The following TNFSF11 variants were observed in gnomAD, a reference collection of about 807,000 sequenced individuals.
TNFSF11 encodes tumor necrosis factor ligand superfamily member 11.
TNFSF11 carries 12 observed loss-of-function variants against 32.2 expected under a neutral mutation model. The observed-to-expected ratio is 0.37, with a 90% CI of 0.24 to 0.60. The LOEUF is 0.60. Ranked by LOEUF, TNFSF11 falls within the 20% of genes least tolerant of loss-of-function variation. The probability of loss-of-function intolerance (pLI) is 0.66; values close to 1 mark genes in which losing one functional copy is unlikely to be tolerated. For synonymous variants in TNFSF11, 172 were observed against 152.1 expected, an observed-to-expected ratio of 1.13 and a Z score of -0.96; for missense variants, 345 against 398.0, an observed-to-expected ratio of 0.87 and a Z score of 1.13.
At position 42,606,854 on chromosome 13, in the gene TNFSF11, C is replaced by T. The variant is rs769473543; in HGVS notation, c.890C>T (p.Ser297Phe). The change falls in exon 5 of 5, where the codon TCC (serine) becomes TTC (phenylalanine). Residue 297 changes from serine to phenylalanine, a missense_variant. Transcript: ENST00000398795. ...ATCAGCATCGAGGTCTCCAACCCCTCCTTACTGGATCCGGATCAGGATGCA... is the reference window on the plus strand; with the variant it reads ...ATCAGCATCGAGGTCTCCAACCCCTTCTTACTGGATCCGGATCAGGATGCA... ...EEISIEVSNP[S>F]LLDPDQDATY... is the part of the protein sequence containing the mutation. The T allele has an allele frequency of 6.2e-7, 1 of 1,614,134 alleles. No individual in the cohort carries two copies. Among genetic ancestry groups the T allele is most frequent in the Non-Finnish European group, 8.5e-7 (1 of 1,180,020 alleles).
chr13:42,597,195 T>C (rs894828012), intron 2 of TNFSF11, among the ~76,000 whole-genome samples: 1 of 152,202 alleles, frequency 6.6e-6, no homozygotes, highest in Non-Finnish European at 1.5e-5. Flanking sequence ...TCATGCGCTC[T>C]CTTTTTGACT....
rs146442984 is a variant in TNFSF11 at position 42,593,790 on chromosome 13, T to A, written c.388-6962T>A. ...TGGCAAACGGGGTGTTAAATCCTTG[T>A]TCAACCAGCCAGATGTCTCTGCAGC... On this transcript the variant is annotated intron_variant, in intron 2 of 4. Coordinates refer to ENST00000398795, the MANE Select transcript of TNFSF11 (RefSeq NM_003701.4). Among the ~76,000 whole-genome samples, 382 of 152,364 alleles carry A rather than the reference T, an allele frequency of 2.5e-3. 2 individuals carry two copies. The highest frequency in any genetic ancestry group is 8.8e-3 in the African/African-American group (366 of 41,584).
At chr13:42,598,393 A>G (rs1313624805) in intron 2 of TNFSF11, among the ~76,000 whole-genome samples, 2 of 152,342 alleles carry the variant, frequency 1.3e-5, no homozygotes, top group East Asian at 1.9e-4. Flanking sequence ...ATATAACCAT[A>G]TAAAGATATA....
upstream of TNFSF11, among the ~76,000 whole-genome samples, chr13:42,572,481 T>A (rs1161942193): frequency 6.6e-6 from 1 of 151,810 alleles, no homozygotes; most frequent in East Asian, 1.9e-4. Flanking sequence ...AGGGAGAGAA[T>A]GAGGAAGAAG....
intron 1 of TNFSF11, among the ~76,000 whole-genome samples, chr13:42,576,985 C>T (rs1292246085): frequency 6.6e-6 from 1 of 152,144 alleles, no homozygotes; most frequent in Non-Finnish European, 1.5e-5. Context: ...TTTGACTTGC[C>T]GCTGATTTAA....
intron 1 of TNFSF11, among the ~76,000 whole-genome samples, chr13:42,566,206 A>G (rs991670321): frequency 1.3e-5 from 2 of 152,240 alleles, no homozygotes; most frequent in Non-Finnish European, 2.9e-5. Context: ...TGACAGACAT[A>G]TGGAATCTAC....
chr13:42,600,788 G>A lies in TNFSF11; in HGVS notation c.424G>A (p.Ala142Thr), dbSNP rs199529587. 51 of 1,614,096 alleles carry A rather than the reference G, an allele frequency of 3.2e-5. No individual in the cohort carries two copies. The South Asian group carries it at 4.6e-4, about 15-fold the overall frequency. ...TATCGTTGGATCACAGCACATCAGA[G>A]CAGAGAAAGGTAAGCATGGATCCAT... ...QHIVGSQHIRAEKAMVDGSWL... is the reference protein window; with the variant it reads ...QHIVGSQHIRTEKAMVDGSWL... The change falls in exon 3 of 5, where the codon GCA becomes ACA. Residue 142 changes from alanine to threonine, a missense_variant. Ala to Thr is a moderately conservative substitution (Grantham distance 58). Transcript: ENST00000398795.
chr13:42,581,691 A>T (rs1873624565), intron 2 of TNFSF11, among the ~76,000 whole-genome samples: 1 of 152,122 alleles, frequency 6.6e-6, no homozygotes, highest in South Asian at 2.1e-4. Context: ...TGGCTTCGTA[A>T]TGGCAGGGCC....
intron 1 of TNFSF11, among the ~76,000 whole-genome samples, chr13:42,577,239 T>C (rs1398157243): frequency 2.0e-5 from 3 of 152,228 alleles, no homozygotes; most frequent in Non-Finnish European, 2.9e-5. Context: ...GTTTGAGTTT[T>C]TAAATGCATT....
intron 2 of TNFSF11, among the ~76,000 whole-genome samples, chr13:42,587,532 G>A (rs552903103): frequency 1.8e-4 from 27 of 152,284 alleles, no homozygotes; most frequent in African/African-American, 5.8e-4. Context: ...TTTTCAAAAG[G>A]TCAAAATACT....
Position 42,568,673 on chromosome 13 carries a change from C to T in TNFSF11, c.-160+1911C>T, listed in dbSNP as rs371348764. Among the ~76,000 whole-genome samples the T allele has an allele frequency of 1.9e-4, 29 of 152,062 alleles. 1 individual carries two copies. The East Asian group carries it at 3.7e-3, about 19-fold the overall frequency. Reference sequence around the variant, plus strand: ...TGAGCCTGGACCGGAGATCAGAAGACGCGGGAACAGACAGAAAAAGAAGAA... The same window carrying T: ...TGAGCCTGGACCGGAGATCAGAAGATGCGGGAACAGACAGAAAAAGAAGAA... On this transcript the variant is annotated intron_variant, in intron 2 of 6. Transcript: ENST00000358545.
intron 2 of TNFSF11, among the ~76,000 whole-genome samples, chr13:42,583,613 A>G (rs1393453654): frequency 6.6e-6 from 1 of 151,938 alleles, no homozygotes; most frequent in Non-Finnish European, 1.5e-5. Context: ...AGAAAACAGA[A>G]CTGGATGGAT....
intron 2 of TNFSF11, among the ~76,000 whole-genome samples, chr13:42,568,224 C>T (rs1441698998): frequency 6.6e-6 from 1 of 152,206 alleles, no homozygotes; most frequent in Non-Finnish European, 1.5e-5. Flanking sequence ...ATTCATAGCT[C>T]TTCCTATGTC....
rs1566377157 is a variant in TNFSF11, at chr13:42,581,318, G to GTCA, written c.387+26_387+28dup. 2.5e-6 allele frequency: 4 copies of GTCA among 1,613,532 alleles called. No homozygotes were observed. The South Asian group carries it at 4.4e-5, about 18-fold the overall frequency. On this transcript the variant is annotated intron_variant, in intron 2 of 4. Coordinates refer to ENST00000398795, the MANE Select transcript of TNFSF11 (RefSeq NM_003701.4). ...GGTAAGTCCACATCGAGGCTGATAAGTCAAGGGCCCTTGCTGACTCTACCA... is the reference window on the plus strand; with the variant it reads ...GGTAAGTCCACATCGAGGCTGATAAGTCATCAAGGGCCCTTGCTGACTCTACCA...
chr13:42,596,647 CA>C (rs1392776327), intron 2 of TNFSF11, among the ~76,000 whole-genome samples: 4 of 152,130 alleles, frequency 2.6e-5, no homozygotes, highest in African/African-American at 9.7e-5. Flanking sequence ...CTGATTCTAA[CA>C]AAAGTCAAAT....
chr13:42,599,989 T>A (rs939273925), intron 2 of TNFSF11, among the ~76,000 whole-genome samples: 2 of 152,246 alleles, frequency 1.3e-5, no homozygotes, highest in African/African-American at 4.8e-5. Flanking sequence ...GGTGAAAGCC[T>A]GAGCTTTCAT....
chr13:42,579,704 CTTTTTTTTTTTTTTT>C (rs59375842), intron 1 of TNFSF11, among the ~76,000 whole-genome samples: 2 of 65,492 alleles, frequency 3.1e-5, no homozygotes, highest in Non-Finnish European at 5.4e-5. Flanking sequence ...TAAGTAAGCC[CTTTTTTTTTTTTTTT>C]TTTTTTTTTG....
intron 4 of TNFSF11, among the ~76,000 whole-genome samples, chr13:42,604,678 A>T (rs1456058835): frequency 1.3e-5 from 2 of 152,212 alleles, no homozygotes; most frequent in East Asian, 3.9e-4. Context: ...ATTGTAGAAC[A>T]TTCTCTATCT....
chr13:42,564,804 T>C (rs1378071555), intron 1 of TNFSF11, among the ~76,000 whole-genome samples: 4 of 152,268 alleles, frequency 2.6e-5, no homozygotes, highest in Non-Finnish European at 5.9e-5. Context: ...CAGCTTTAAG[T>C]AGTTTCAGTG....
Sources: allele counts gnomAD v4.1 joint callset (sites outside exome capture counted in the v4.1 genomes callset), GRCh38; gene constraint gnomAD v4.1.1; transcripts MANE v1.5; gene names NCBI Gene and HGNC (gene_info 2026-07-23, HGNC 2026-07-21).